Variants in PRDM1 observed in about 807,000 individuals in gnomAD.
The protein encoded by PRDM1 is PR domain zinc finger protein 1.
PRDM1 carries 13 observed loss-of-function variants against 62.8 expected under a neutral mutation model. The observed-to-expected ratio is 0.21, with a 90% CI of 0.13 to 0.33. The LOEUF is 0.33. PRDM1 is among the 10% of genes least tolerant of loss of function. The pLI, the probability that PRDM1 is intolerant of heterozygous loss-of-function variation, is 1.00. For missense variants in PRDM1, 895 were observed against 1,058.8 expected (o/e 0.85, Z 2.15); for synonymous variants, 396 against 417.6 (o/e 0.95, Z 0.63).
intron 2 of PRDM1, among the ~76,000 whole-genome samples, chr6:106,091,633 A>G (rs1773962952): frequency 6.6e-6 from 1 of 151,820 alleles, no homozygotes; most frequent in South Asian, 2.1e-4. Context: ...TACAAAAATT[A>G]GCCGGGCGTG....
At chr6:106,032,191 C>T (rs531788297) in intron 1 of PRDM1, among the ~76,000 whole-genome samples, 4 of 152,170 alleles carry the variant, frequency 2.6e-5, no homozygotes, top group Admixed American at 2.6e-4. Context: ...AGAGACAGGG[C>T]CTTGCTCTGT....
chr6:106,026,350 G>A (rs541463648), intron 1 of PRDM1, among the ~76,000 whole-genome samples: 10 of 152,098 alleles, frequency 6.6e-5, no homozygotes, highest in East Asian at 1.9e-4. Flanking sequence ...ATGGTGGCGC[G>A]TGCCTGTAAT....
At chr6:106,043,810 A>C (rs528133664), upstream of PRDM1, among the ~76,000 whole-genome samples, 28 of 152,338 alleles carry the variant, frequency 1.8e-4, no homozygotes, top group Non-Finnish European at 3.8e-4. Flanking sequence ...CTGGGATTAC[A>C]GGCATGAGCC....
intron 1 of PRDM1, among the ~76,000 whole-genome samples, chr6:106,018,631 A>G (rs1772653859): frequency 6.6e-6 from 1 of 152,152 alleles, no homozygotes; most frequent in Non-Finnish European, 1.5e-5. Context: ...CTATTTTAGA[A>G]TGTCCTTCAA....
intron 1 of PRDM1, chr6:106,078,175 G>A (rs996017985): frequency 3.9e-5 from 6 of 152,252 alleles, no homozygotes; most frequent in Admixed American, 2.0e-4. Flanking sequence ...AAGTGAGTAC[G>A]GTAAATTTGT....
upstream of PRDM1, among the ~76,000 whole-genome samples, chr6:106,084,571 C>A (rs4946722): frequency 0.078 from 11,906 of 152,238 alleles, 604 homozygotes; most frequent in Middle Eastern, 0.12. Context: ...GAGTTTGATT[C>A]TAAAAGGGAA....
At chr6:106,058,583 T>C (rs1773298277) in intron 1 of PRDM1, among the ~76,000 whole-genome samples, 1 of 152,168 alleles carries the variant, frequency 6.6e-6, no homozygotes, top group Non-Finnish European at 1.5e-5. Context: ...TCTTTCTTTC[T>C]TTTTTAAAGA....
At chr6:106,017,447 G>A (rs1446467653) in intron 1 of PRDM1, among the ~76,000 whole-genome samples, 2 of 152,206 alleles carry the variant, frequency 1.3e-5, no homozygotes, top group East Asian at 1.9e-4. Flanking sequence ...GTGTGTCTGA[G>A]TCTGGGTGTG....
chr6:106,100,881 G>A (rs1393376541), intron 4 of PRDM1, among the ~76,000 whole-genome samples: 2 of 152,048 alleles, frequency 1.3e-5, no homozygotes, highest in Non-Finnish European at 2.9e-5. Context: ...AGCTTAATGG[G>A]TCTAATTAGG....
At chr6:106,021,137 A>C (rs1405381769) in intron 1 of PRDM1, among the ~76,000 whole-genome samples, 1 of 152,218 alleles carries the variant, frequency 6.6e-6, no homozygotes, top group Non-Finnish European at 1.5e-5. Context: ...GCACTAAATC[A>C]AGTTGGCAAG....
chr6:106,003,343 T>C (rs1772449633), intron 1 of PRDM1, among the ~76,000 whole-genome samples: 1 of 152,114 alleles, frequency 6.6e-6, no homozygotes, highest in Non-Finnish European at 1.5e-5. Flanking sequence ...TTTTAAATAA[T>C]TTAGTTAACC....
At position 106,088,466 on chromosome 6, in the gene PRDM1, T is replaced by C. The variant is rs1231188484; in HGVS notation, c.291+17T>C. 2 of 1,613,956 alleles carry C rather than the reference T, an allele frequency of 1.2e-6. No individual in the cohort carries two copies. The highest frequency in any genetic ancestry group is 2.2e-5 in the South Asian group (2 of 91,086). ...AGTGAAGAGGTAAGCCTCTGGTTTATTGACAAGAAGATTGGGGACCTGGTG... is the reference window on the plus strand; with the variant it reads ...AGTGAAGAGGTAAGCCTCTGGTTTACTGACAAGAAGATTGGGGACCTGGTG... On this transcript the variant is annotated intron_variant, in intron 2 of 6. Transcript: ENST00000369096.
At position 106,099,326 on chromosome 6, in the gene PRDM1, C is replaced by T. The variant is rs2114638034; in HGVS notation, c.438C>T (p.His146=). ...WRIYSRGELH[H]FIDGFNEEKS... is the part of the protein sequence containing the mutation. ...TCTATTCCAGAGGGGAGCTTCACCACTTCATTGACGGCTTTAATGAAGAGA... is the reference window on the plus strand; with the variant it reads ...TCTATTCCAGAGGGGAGCTTCACCATTTCATTGACGGCTTTAATGAAGAGA... Residue 146 remains histidine (H), a synonymous_variant, in exon 4 of 7, where the codon CAC becomes CAT. Coordinates refer to ENST00000369096, the MANE Select transcript of PRDM1 (RefSeq NM_001198.4). 3 of 1,614,162 alleles carry T rather than the reference C, an allele frequency of 1.9e-6. No individual in the cohort carries two copies. The highest frequency in any genetic ancestry group is 2.5e-6 in the Non-Finnish European group (3 of 1,180,024).
At chr6:106,072,890 G>A (rs1031805568) in intron 1 of PRDM1, among the ~76,000 whole-genome samples, 11 of 152,160 alleles carry the variant, frequency 7.2e-5, no homozygotes, top group African/African-American at 2.7e-4. Context: ...CGTAGCCTAT[G>A]TTGTGTACAG....
chr6:106,012,134 TAAC>T lies in PRDM1; in HGVS notation c.-67+18497_-67+18499del, dbSNP rs1340132780. ...ACATTCATACACACACACACAAACA[TAAC>T]ACACACACCACACCCCTCCACATTC... On this transcript the variant is annotated intron_variant, in intron 1 of 6. Coordinates refer to the PRDM1 transcript ENST00000652320. Among the ~76,000 whole-genome samples the T allele has an allele frequency of 8.6e-5, 6 of 69,932 alleles. No homozygotes were observed. The East Asian group carries it at 2.5e-3, about 29-fold the overall frequency. 45.9% of individuals were successfully genotyped at this position (69,932 alleles called of 152,430 possible).
At chr6:106,032,905 TA>T (rs1772866663) in intron 1 of PRDM1, among the ~76,000 whole-genome samples, 1 of 152,216 alleles carries the variant, frequency 6.6e-6, no homozygotes, top group Non-Finnish European at 1.5e-5. Context: ...GTAAGAATAA[TA>T]GCTAACATTA....
intron 1 of PRDM1, among the ~76,000 whole-genome samples, chr6:106,061,522 C>T (rs1477274948): frequency 3.9e-5 from 6 of 152,184 alleles, no homozygotes; most frequent in African/African-American, 1.4e-4. Context: ...TAATCACGTC[C>T]CATAGCTCAT....
At chr6:106,041,895 C>T (rs1773003732) in intron 1 of PRDM1, among the ~76,000 whole-genome samples, 1 of 150,918 alleles carries the variant, frequency 6.6e-6, no homozygotes. Context: ...GCATCCTCCA[C>T]CTCCTGGGCT....
chr6:106,007,739 C>T (rs1394330500), intron 1 of PRDM1, among the ~76,000 whole-genome samples: 6 of 152,168 alleles, frequency 3.9e-5, no homozygotes, highest in Non-Finnish European at 7.3e-5. Context: ...CTAACAAGGT[C>T]ACCTGCCTGC....
Sources: gnomAD v4.1 joint callset for allele counts (sites outside exome capture counted in the v4.1 genomes callset) on GRCh38, gnomAD v4.1.1 for gene constraint, MANE v1.5 for transcripts, NCBI Gene and HGNC (gene_info 2026-07-23, HGNC 2026-07-21) for gene names.